Variants in NIBAN2 observed in about 807,000 individuals in gnomAD.
NIBAN2 encodes niban apoptosis regulator 2, also known as protein Niban 2.
NIBAN2 carries 36 observed loss-of-function variants against 81.8 expected under a neutral mutation model. That is an observed-to-expected ratio of 0.44 (90% CI 0.34 to 0.58). NIBAN2 has a LOEUF of 0.58. Among genes scored for constraint, NIBAN2 ranks in the 20% least tolerant of loss-of-function variants. The pLI, the probability that NIBAN2 is intolerant of heterozygous loss-of-function variation, is 0.02. For synonymous variants in NIBAN2, 445 were observed against 441.6 expected, an observed-to-expected ratio of 1.01 and a Z score of -0.10; for missense variants, 897 against 1,014.1, an observed-to-expected ratio of 0.88 and a Z score of 1.57.
upstream of NIBAN2, chr9:127,569,193 C>T (rs1366659297): frequency 1.1e-3 from 570 of 514,002 alleles, no homozygotes; most frequent in Non-Finnish European, 1.3e-3. Context: ...CGCGTCCCAC[C>T]CCGCCCCGCC....
chr9:127,565,033 T>C (rs1014368125), intron 1 of NIBAN2, among the ~76,000 whole-genome samples: 2 of 152,188 alleles, frequency 1.3e-5, no homozygotes, highest in African/African-American at 4.8e-5. Flanking sequence ...CCCTCCTAAA[T>C]TGTTTGTACA....
In NIBAN2 at chr9:127,507,125, C is replaced by T. The variant is rs752348939; in HGVS notation, c.1961G>A (p.Arg654Gln). ...PASPDGVTEI[R>Q]GLLAQGLRPE... The stretch of plus-strand genomic sequence containing the variant: ...CCGCAGACCTTGGGCCAGCAGGCCT[C>T]GGATCTCAGTGACACCGTCCGGGGA... The change falls in exon 14 of 14, where the codon CGA (arginine) becomes CAA (glutamine). Residue 654 changes from arginine (R) to glutamine (Q), a missense_variant. Physicochemically the swap from Arg to Gln is conservative, Grantham distance 43. Around this residue, in one of 3 missense-constraint regions of NIBAN2, gnomAD observed 619 missense variants for 691.0 expected, o/e 0.90. Transcript: ENST00000373312. This position sits in a 1 kb window ranked among gnomAD's most constrained non-coding sequence, Gnocchi z 6.8. 1.1e-5 allele frequency: 17 copies of T among 1,594,846 alleles called. No individual in the cohort carries two copies. Among genetic ancestry groups the T allele is most frequent in the Admixed American group, 1.8e-5 (1 of 56,514 alleles).
chr9:127,573,896 G>T (rs775189229), upstream of NIBAN2, among the ~76,000 whole-genome samples: 2 of 152,132 alleles, frequency 1.3e-5, no homozygotes, highest in Non-Finnish European at 2.9e-5. Context: ...GACCACAAGT[G>T]ATCTGCCTCC....
At chr9:127,577,335 A>G (rs988020110) in intron 1 of NIBAN2, among the ~76,000 whole-genome samples, 1 of 152,076 alleles carries the variant, frequency 6.6e-6, no homozygotes, top group Non-Finnish European at 1.5e-5. Flanking sequence ...TTAAGAGATG[A>G]GGATGAGACC....
At chr9:127,523,521 G>T (rs1837000255) in intron 5 of NIBAN2, among the ~76,000 whole-genome samples, 158 bp downstream of exon 5, 1 of 151,860 alleles carries the variant, frequency 6.6e-6, no homozygotes, top group African/African-American at 2.4e-5. Context: ...GAAGACTAAG[G>T]GTGGTATTAC....
rs949972323 is a variant in NIBAN2 at position 127,545,588 on chromosome 9, T to G, written c.56-13810A>C. Among the ~76,000 whole-genome samples the G allele has an allele frequency of 1.3e-5, 2 of 150,044 alleles. No individual in the cohort carries two copies. The highest frequency in any genetic ancestry group is 6.6e-5 in the Admixed American group (1 of 15,062). On this transcript the variant is annotated intron_variant, in intron 1 of 13. Transcript: ENST00000373312. The surrounding 1 kb of genome is among the most constrained non-coding windows in gnomAD (Gnocchi z 4.7). The stretch of plus-strand genomic sequence containing the variant: ...CAACAGAGCCAGGAGTCAGCTGGGG[T>G]TTTTCACAAGGCTGCCTTGAAAACT...
At chr9:127,527,931 G>A (rs1448423716) in intron 2 of NIBAN2, among the ~76,000 whole-genome samples, 3 of 152,126 alleles carry the variant, frequency 2.0e-5, no homozygotes, top group Non-Finnish European at 2.9e-5. Flanking sequence ...TCTGTCTGGG[G>A]GTGTTTGATG....
At chr9:127,509,822 CTCCTTCCCTCCTT>C (rs1564294243) in intron 9 of NIBAN2, 1 of 146,716 alleles carries the variant, frequency 6.8e-6, no homozygotes, top group East Asian at 1.9e-4. Context: ...CTTCCCTCCT[CTCCTTCCCTCCTT>C]CCCTCTCCCC....
At chr9:127,539,970 T>C (rs76589843) in intron 1 of NIBAN2, among the ~76,000 whole-genome samples, 1,897 of 152,316 alleles carry the variant, frequency 0.012, 20 homozygotes, top group Non-Finnish European at 0.016. Flanking sequence ...GAATGGGTTA[T>C]GAGACAAACG....
upstream of NIBAN2, chr9:127,569,193 C>A: frequency 1.9e-6 from 1 of 514,010 alleles, no homozygotes; most frequent in Non-Finnish European, 2.4e-6. Context: ...CGCGTCCCAC[C>A]CCGCCCCGCC....
chr9:127,507,395 A>T lies in NIBAN2; in HGVS notation c.1691T>A (p.Leu564His). Residue 564 changes from leucine (L) to histidine (H), a missense_variant, in exon 14 of 14, where the codon CTC becomes CAC. This residue lies in a region of NIBAN2 where 619 missense variants were observed against 691.0 expected (regional missense o/e 0.90). Transcript: ENST00000373312. The surrounding 1 kb of genome is among the most constrained non-coding windows in gnomAD (Gnocchi z 6.8). ...KEAAVQRKHN[L>H]YRDSMVMHNS... ...GTGCATGACCATGCTGTCCCGGTAG[A>T]GGTTGTGCTTCCTCTGCACCGCGGC... 6.6e-7 allele frequency: 1 copy of T among 1,519,192 alleles called. No homozygotes were observed. Among genetic ancestry groups the T allele is most frequent in the East Asian group, 2.3e-5 (1 of 43,938 alleles). 94.1% of individuals were successfully genotyped at this position (1,519,192 alleles called of 1,614,324 possible).
Position 127,507,087 on chromosome 9 carries a change from G to A in NIBAN2, c.1999C>T (p.Pro667Ser), listed in dbSNP as rs1165176326. The change falls in exon 14 of 14, where the codon CCA becomes TCA. Residue 667 changes from proline to serine, a missense_variant. Pro to Ser is a moderately conservative substitution (Grantham distance 74). Transcript: ENST00000373312. The surrounding 1 kb of genome is among the most constrained non-coding windows in gnomAD (Gnocchi z 6.8). ...CCGTTGAGCAGGGGGCCGGCTGGTG[G>A]GGGGCTCTCAGGCCGCAGACCTTGG... ...LAQGLRPESP[P>S]PAGPLLNGAP... 2.5e-6 allele frequency: 4 copies of A among 1,577,808 alleles called. No homozygotes were observed. In the African/African-American group the frequency reaches 5.4e-5, roughly 21 times the overall value.
At chr9:127,567,745 C>T (rs866414683) in intron 1 of NIBAN2, among the ~76,000 whole-genome samples, 8 of 152,198 alleles carry the variant, frequency 5.3e-5, no homozygotes, top group South Asian at 2.1e-4. Context: ...CCCACCTGAA[C>T]CGTCACCCCA....
At chr9:127,531,878 G>A in intron 1 of NIBAN2, 100 bp from the exon 2 acceptor site, 1 of 1,501,562 alleles carries the variant, frequency 6.7e-7, no homozygotes, top group Non-Finnish European at 9.1e-7. Context: ...CCAAATTCCT[G>A]CATGTGGAAT....
chr9:127,538,641 A>AAAAAAGAAAT (rs1206153977), intron 1 of NIBAN2, among the ~76,000 whole-genome samples: 2 of 151,578 alleles, frequency 1.3e-5, no homozygotes, highest in Non-Finnish European at 2.9e-5. Flanking sequence ...AAAAAAAAAA[A>AAAAAAGAAAT]AAAAAAGAAA....
intron 3 of NIBAN2, among the ~76,000 whole-genome samples, chr9:127,526,910 GAA>G (rs1837077244): frequency 6.6e-6 from 1 of 151,516 alleles, no homozygotes. Flanking sequence ...TGGAGGGACT[GAA>G]GAGAGATTAG....
chr9:127,564,958 G>C (rs1382449655), intron 1 of NIBAN2, among the ~76,000 whole-genome samples: 1 of 152,096 alleles, frequency 6.6e-6, no homozygotes, highest in Non-Finnish European at 1.5e-5. Context: ...CCACACTTAA[G>C]TGACTTCTTC....
At chr9:127,531,177 GA>G (rs10654600) in intron 2 of NIBAN2, among the ~76,000 whole-genome samples, 2 of 143,754 alleles carry the variant, frequency 1.4e-5, no homozygotes, top group Non-Finnish European at 3.0e-5. Context: ...GACCCAGTCT[GA>G]AAAAAAAAAA....
chr9:127,540,773 G>A (rs1248192026), intron 1 of NIBAN2, among the ~76,000 whole-genome samples: 3 of 152,258 alleles, frequency 2.0e-5, no homozygotes, highest in East Asian at 1.9e-4. Flanking sequence ...GGGGCTGCAC[G>A]CCGGCGCCAG....
Sources: gnomAD v4.1 joint callset for allele counts (sites outside exome capture counted in the v4.1 genomes callset) on GRCh38, gnomAD v4.1.1 for gene constraint, gnomAD v4.1.1 regional missense constraint, Gnocchi (gnomAD v3.1) non-coding constraint, MANE v1.5 for transcripts, NCBI Gene and HGNC (gene_info 2026-07-23, HGNC 2026-07-21) for gene names.